The following IQSEC3 variants were observed in gnomAD, a reference collection of about 807,000 sequenced individuals.
IQSEC3 encodes the protein IQ motif and Sec7 domain ArfGEF 3.
Under a neutral mutation model 105.4 loss-of-function variants are expected in IQSEC3, and 50 were observed. The observed-to-expected ratio is 0.47, with a 90% confidence interval of 0.38 to 0.60. IQSEC3 has a LOEUF of 0.60. Among genes scored for constraint, IQSEC3 ranks in the 20% least tolerant of loss-of-function variants. The pLI is 0.00. For missense variants in IQSEC3, 1,415 were observed against 1,630.0 expected, an observed-to-expected ratio of 0.87 and a Z score of 2.27; for synonymous variants, 708 against 746.0, an observed-to-expected ratio of 0.95 and a Z score of 0.83.
chr12:130,900 G>A (rs1865566294), intron 3 of IQSEC3, among the ~76,000 whole-genome samples: 1 of 151,692 alleles, frequency 6.6e-6, no homozygotes, highest in African/African-American at 2.4e-5. Context: ...AGTTCTGGAG[G>A]CTCACAACAT....
chr12:144,769 A>C (rs1405891911), intron 5 of IQSEC3, among the ~76,000 whole-genome samples: 1 of 152,256 alleles, frequency 6.6e-6, no homozygotes, highest in African/African-American at 2.4e-5. Flanking sequence ...GGCCTTATCA[A>C]ATGACAATAA....
At position 175,449 on chromosome 12, in the gene IQSEC3, C is replaced by CA. The variant is rs1465147061; in HGVS notation, c.*417dup. 1 of 172,608 alleles carries CA rather than the reference C, an allele frequency of 5.8e-6. No individual in the cohort carries two copies. Among genetic ancestry groups the CA allele is most frequent in the Non-Finnish European group, 1.2e-5 (1 of 82,150 alleles). 10.7% of individuals were successfully genotyped at this position (172,608 alleles called of 1,614,324 possible). ...GGCCGGCCGGCAGTGGAGCACTAGA[C>CA]AGAGTGGCTGGCTCGCAGCCCAGAA... is the stretch of plus-strand genomic sequence containing the variant. On this transcript the variant is annotated 3_prime_UTR_variant, in exon 14 of 14. Transcript: ENST00000538872.
At chr12:126,404 T>C (rs1408851580) in intron 3 of IQSEC3, among the ~76,000 whole-genome samples, 4 of 152,216 alleles carry the variant, frequency 2.6e-5, no homozygotes, top group African/African-American at 9.6e-5. Flanking sequence ...AGCTCCTCTA[T>C]TGGAGAACAG....
intron 5 of IQSEC3, among the ~76,000 whole-genome samples, chr12:146,502 C>T (rs1281422280): frequency 6.6e-6 from 1 of 152,080 alleles, no homozygotes; most frequent in African/African-American, 2.4e-5. Context: ...TTTAAGTAGC[C>T]AGGTGTGGTG....
intron 9 of IQSEC3, among the ~76,000 whole-genome samples, chr12:164,344 T>TC (rs1867068679): frequency 6.6e-6 from 1 of 151,926 alleles, no homozygotes; most frequent in Non-Finnish European, 1.5e-5. Context: ...CACACGGCTC[T>TC]CCCCACCCCC....
intron 3 of IQSEC3, among the ~76,000 whole-genome samples, chr12:134,046 G>C (rs1199725286): frequency 6.6e-6 from 1 of 152,272 alleles, no homozygotes; most frequent in Non-Finnish European, 1.5e-5. Flanking sequence ...CAGGTGCAAA[G>C]CTGCAGATAG....
chr12:68,865 C>T (rs538165136), intron 1 of IQSEC3, among the ~76,000 whole-genome samples: 589 of 152,260 alleles, frequency 3.9e-3, no homozygotes, highest in African/African-American at 0.013. Context: ...AGGTGAAGGT[C>T]TAACATGATC....
rs1555065419 is a variant in IQSEC3 at position 66,925 on chromosome 12, C to T, written c.43C>T (p.Leu15Phe). ...GAATCCGGTGCGCGCCGTGCTCTAC[C>T]TCAAGGAGCTCACGGCCATCGTGCA... ...LENPVRAVLY[L>F]KELTAIVQNQ... is the part of the protein sequence containing the mutation. Residue 15 changes from leucine to phenylalanine, a missense_variant, in exon 1 of 14, where the codon CTC becomes TTC. This residue lies in a region of IQSEC3 where 34 missense variants were observed against 80.3 expected (regional missense o/e 0.42). Coordinates refer to ENST00000538872, the MANE Select transcript of IQSEC3 (RefSeq NM_001170738.2). The T allele has an allele frequency of 2.6e-6, 4 of 1,518,634 alleles. No individual in the cohort carries two copies. Among genetic ancestry groups the T allele is most frequent in the Admixed American group, 2.0e-5 (1 of 49,790 alleles). 94.1% of individuals were successfully genotyped at this position (1,518,634 alleles called of 1,614,324 possible). A position where few individuals can be genotyped will look rare whatever the true frequency, so the allele number is the denominator to read the frequency against.
At chr12:161,329 C>T (rs115663159) in intron 7 of IQSEC3, among the ~76,000 whole-genome samples, 77 of 151,912 alleles carry the variant, frequency 5.1e-4, no homozygotes, top group African/African-American at 1.2e-3. Flanking sequence ...TTTTTGTTGC[C>T]CGAGTTTTAT....
Position 174,798 on chromosome 12 carries a change from C to A in IQSEC3, c.3314C>A (p.Pro1105His). Residue 1105 changes from proline to histidine, a missense_variant, in exon 14 of 14, where the codon CCC becomes CAC. Physicochemically the swap from Pro to His is moderately conservative, Grantham distance 77. Coordinates refer to ENST00000538872, the MANE Select transcript of IQSEC3 (RefSeq NM_001170738.2). ...QIVKVIVLDK[P>H]CLARMEPLLS... ...GTCAAGGTCATTGTCCTGGACAAGCCCTGCCTGGCCCGCATGGAGCCCCTG... is the reference window on the plus strand; with the variant it reads ...GTCAAGGTCATTGTCCTGGACAAGCACTGCCTGGCCCGCATGGAGCCCCTG... The A allele has an allele frequency of 1.3e-6, 2 of 1,585,864 alleles. No individual in the cohort carries two copies. The highest frequency in any genetic ancestry group is 1.7e-6 in the Non-Finnish European group (2 of 1,174,618).
intron 3 of IQSEC3, among the ~76,000 whole-genome samples, chr12:134,695 G>A (rs952158988): frequency 3.0e-4 from 46 of 151,656 alleles, no homozygotes; most frequent in Non-Finnish European, 8.8e-5. Flanking sequence ...AGGAGTTCAG[G>A]TCCAGCCTGG....
At chr12:115,878 CACAGA>C (rs1555080514) in intron 2 of IQSEC3, among the ~76,000 whole-genome samples, 1 of 152,186 alleles carries the variant, frequency 6.6e-6, no homozygotes, top group African/African-American at 2.4e-5. Flanking sequence ...GATTACACCA[CACAGA>C]AGAGGCCAGC....
At chr12:74,033 G>A (rs1213045904) in intron 1 of IQSEC3, among the ~76,000 whole-genome samples, 1 of 152,256 alleles carries the variant, frequency 6.6e-6, no homozygotes, top group Non-Finnish European at 1.5e-5. Flanking sequence ...ATCACCCGAT[G>A]CCCCATGGTG....
intron 1 of IQSEC3, among the ~76,000 whole-genome samples, chr12:85,383 T>G (rs1863884590): frequency 6.6e-6 from 1 of 152,262 alleles, no homozygotes; most frequent in Non-Finnish European, 1.5e-5. Context: ...TGAGGGAAGC[T>G]GGCAGGATGC....
chr12:148,848 C>T (rs990862992), intron 5 of IQSEC3: 12 of 152,094 alleles, frequency 7.9e-5, no homozygotes, highest in Non-Finnish European at 1.5e-4. Flanking sequence ...AGATCTTCGC[C>T]GTCTCTTCCA....
chr12:124,230 T>C (rs1200413946), intron 2 of IQSEC3, among the ~76,000 whole-genome samples: 5 of 151,232 alleles, frequency 3.3e-5, no homozygotes, highest in Non-Finnish European at 7.4e-5. Flanking sequence ...CTGCTAAAAA[T>C]ACAAAAAAAT....
chr12:150,093 C>T (rs1426720636), intron 5 of IQSEC3, among the ~76,000 whole-genome samples: 8 of 152,006 alleles, frequency 5.3e-5, no homozygotes, highest in Admixed American at 3.3e-4. Flanking sequence ...CCCTAAACTG[C>T]GGCTGTGGGC....
At chr12:155,022 T>A (rs7956044) in intron 5 of IQSEC3, among the ~76,000 whole-genome samples, 186 of 152,180 alleles carry the variant, frequency 1.2e-3, no homozygotes, top group African/African-American at 4.4e-3. Flanking sequence ...CACAGCCTCT[T>A]GGTCACCAGC....
rs769739318 is a variant in IQSEC3 at position 174,932 on chromosome 12, C to T, written c.3448C>T (p.Pro1150Ser). 8.4e-7 allele frequency: 1 copy of T among 1,196,044 alleles called. No individual in the cohort carries two copies. Among genetic ancestry groups the T allele is most frequent in the African/African-American group, 1.5e-5 (1 of 65,536 alleles). The allele number at this position is 1,196,044 out of a possible 1,614,324, so 74.1% of individuals were successfully genotyped here. A position where few individuals can be genotyped will look rare whatever the true frequency, so the allele number is the denominator to read the frequency against. ...CAAGGTCACCCACCAGCCTCCGCTG[C>T]CCCCGCCCCCACCCCCCTACAACCA... The part of the protein sequence containing the change: ...PVKVTHQPPL[P>S]PPPPPYNHPH... The change falls in exon 14 of 14, where the codon CCC becomes TCC. Residue 1150 changes from proline (P) to serine (S), a missense_variant. Around this residue, in one of 6 missense-constraint regions of IQSEC3, gnomAD observed 419 missense variants for 436.2 expected, o/e 0.96. Coordinates refer to ENST00000538872, the MANE Select transcript of IQSEC3 (RefSeq NM_001170738.2).
Sources: gnomAD v4.1 joint callset for allele counts (sites outside exome capture counted in the v4.1 genomes callset) on GRCh38, gnomAD v4.1.1 for gene constraint, gnomAD v4.1.1 regional missense constraint, MANE v1.5 for transcripts, NCBI Gene and HGNC (gene_info 2026-07-23, HGNC 2026-07-21) for gene names.